The following TRPM3 variants were observed in gnomAD, a reference collection of about 807,000 sequenced individuals.
TRPM3 encodes long transient receptor potential channel 3.
A neutral mutation model predicts 181.2 loss-of-function variants in TRPM3; 77 were observed. The observed-to-expected ratio is 0.42, with a 90% CI of 0.35 to 0.51. The LOEUF (loss-of-function observed/expected upper bound fraction) is 0.51, where lower values mean the gene tolerates loss of function less well. Ranked by LOEUF, TRPM3 falls within the 20% of genes least tolerant of loss-of-function variation. The pLI, the probability that TRPM3 is intolerant of heterozygous loss-of-function variation, is 0.01. For missense variants in TRPM3, 1,759 were observed against 2,196.7 expected, an observed-to-expected ratio of 0.80 and a Z score of 3.98; for synonymous variants, 745 against 796.4, an observed-to-expected ratio of 0.94 and a Z score of 1.09.
chr9:71,142,060 A>C (rs569342262), intron 1 of TRPM3, among the ~76,000 whole-genome samples: 4 of 152,318 alleles, frequency 2.6e-5, no homozygotes, highest in South Asian at 2.1e-4. Flanking sequence ...TTTCTATCTT[A>C]ATCTTTGCCT....
At chr9:71,292,468 T>C (rs1038525126) in intron 1 of TRPM3, among the ~76,000 whole-genome samples, 1 of 151,792 alleles carries the variant, frequency 6.6e-6, no homozygotes, top group Admixed American at 6.6e-5. Flanking sequence ...ATATCAGAAA[T>C]GAAAAGTAAT....
chr9:71,442,331 T>C (rs1196045165), intron 1 of TRPM3, among the ~76,000 whole-genome samples: 1 of 152,174 alleles, frequency 6.6e-6, no homozygotes. Flanking sequence ...GCACAGTTTC[T>C]TTTTTTCCTT....
At chr9:70,587,165 C>T (rs2057290327) in intron 22 of TRPM3, among the ~76,000 whole-genome samples, 1 of 152,078 alleles carries the variant, frequency 6.6e-6, no homozygotes, top group Non-Finnish European at 1.5e-5. Flanking sequence ...GATTGGATAG[C>T]TAATTTGGAG....
intron 1 of TRPM3, among the ~76,000 whole-genome samples, chr9:70,942,571 C>T (rs1351490570): frequency 1.3e-5 from 2 of 152,198 alleles, no homozygotes; most frequent in African/African-American, 2.4e-5. Context: ...GTGGTCATAC[C>T]GTTTTTTCCA....
rs75533623 is a variant in TRPM3, at chr9:71,293,374, C to T, written c.183+153279G>A. On this transcript the variant is annotated intron_variant, in intron 1 of 24. Coordinates refer to the TRPM3 transcript ENST00000357533. ...ATCCATTATTCACGGACATTTTATGCATAGAAAACTTAAGCATTTCCAAAT... is the reference window on the plus strand; with the variant it reads ...ATCCATTATTCACGGACATTTTATGTATAGAAAACTTAAGCATTTCCAAAT... 7.2e-4 allele frequency among the ~76,000 whole-genome samples: 109 copies of T among 151,876 alleles called. 3 individuals carry two copies. In the East Asian group the frequency reaches 0.018, roughly 26 times the overall value.
chr9:70,904,408 T>C (rs2096433200), intron 1 of TRPM3, among the ~76,000 whole-genome samples: 1 of 152,172 alleles, frequency 6.6e-6, no homozygotes, highest in South Asian at 2.1e-4. Context: ...GCTTCCACTT[T>C]CTCTAATTCA....
intron 5 of TRPM3, among the ~76,000 whole-genome samples, chr9:70,832,972 T>C (rs1270652926): frequency 6.6e-6 from 1 of 152,216 alleles, no homozygotes; most frequent in Non-Finnish European, 1.5e-5. Context: ...TCATGCATCT[T>C]GGTAATATCT....
At chr9:70,684,186 C>T (rs534788640) in intron 8 of TRPM3, among the ~76,000 whole-genome samples, 2 of 152,266 alleles carry the variant, frequency 1.3e-5, no homozygotes, top group East Asian at 3.9e-4. Context: ...ATCAGGTTTT[C>T]CTAGCAACAC....
chr9:70,792,240 A>C (rs2085622173), intron 6 of TRPM3, among the ~76,000 whole-genome samples: 1 of 152,148 alleles, frequency 6.6e-6, no homozygotes, highest in South Asian at 2.1e-4. Context: ...CCTGAGCCCA[A>C]GGCCAGTAAC....
chr9:71,053,946 A>C (rs1233267479), intron 1 of TRPM3, among the ~76,000 whole-genome samples: 4 of 152,152 alleles, frequency 2.6e-5, no homozygotes, highest in Middle Eastern at 3.2e-3. Flanking sequence ...GGTAACTTGT[A>C]GGAGAATCAC....
At chr9:70,820,373 G>A (rs1371442568) in intron 6 of TRPM3, among the ~76,000 whole-genome samples, 1 of 152,042 alleles carries the variant, frequency 6.6e-6, no homozygotes, top group African/African-American at 2.4e-5. Flanking sequence ...TTTGTTATAG[G>A]ACTTTTTTTG....
chr9:70,759,189 C>T (rs959916779), intron 8 of TRPM3, among the ~76,000 whole-genome samples: 10 of 152,092 alleles, frequency 6.6e-5, no homozygotes, highest in African/African-American at 2.2e-4. Flanking sequence ...ACAGACAATC[C>T]TCAAAAGAAG....
chr9:70,545,548 C>CTTTTCTT lies in TRPM3; in HGVS notation c.3707+3993_3707+3994insAAGAAAA, dbSNP rs1554733806. The stretch of plus-strand genomic sequence containing the variant: ...AGAGAAAAGAATTTTAATTTTCTTT[C>CTTTTCTT]TTTTTTTTTTTTTTTTGAAGTGGAG... On this transcript the variant is annotated intron_variant, in intron 25 of 25. Transcript: ENST00000677713. Among the ~76,000 whole-genome samples the CTTTTCTT allele has an allele frequency of 2.6e-5, 3 of 113,352 alleles. No homozygotes were observed. The East Asian group carries it at 7.8e-4, about 29-fold the overall frequency. The allele number at this position is 113,352 out of a possible 152,430, so 74.4% of individuals were successfully genotyped here.
rs373142080 is a variant in TRPM3 at position 70,884,758 on chromosome 9, C to T, written c.178-20247G>A. Among the ~76,000 whole-genome samples the T allele has an allele frequency of 7.2e-5, 11 of 152,130 alleles. No individual in the cohort carries two copies. In the East Asian group the frequency reaches 1.2e-3, roughly 16 times the overall value. The stretch of plus-strand genomic sequence containing the variant: ...TGATTAAATATAAATTATGACAATC[C>T]TGGAGATAATTATAAGCATACCAAT... On this transcript the variant is annotated intron_variant, in intron 1 of 25. Transcript: ENST00000677713.
intron 22 of TRPM3, among the ~76,000 whole-genome samples, chr9:70,589,002 C>T (rs1410477176): frequency 6.6e-6 from 1 of 152,082 alleles, no homozygotes; most frequent in Non-Finnish European, 1.5e-5. Flanking sequence ...TTCAGAACAT[C>T]GAAAAGGAAG....
At chr9:70,899,341 A>G (rs1313587720) in intron 1 of TRPM3, among the ~76,000 whole-genome samples, 1 of 152,138 alleles carries the variant, frequency 6.6e-6, no homozygotes, top group East Asian at 1.9e-4. Context: ...GGAAAACCTG[A>G]TCATATCGTT....
intron 8 of TRPM3, among the ~76,000 whole-genome samples, chr9:70,746,566 C>T (rs1193769224): frequency 6.6e-6 from 1 of 152,130 alleles, no homozygotes; most frequent in Non-Finnish European, 1.5e-5. Context: ...GCCTGAGGGC[C>T]TGCAGAGAAT....
intron 1 of TRPM3, among the ~76,000 whole-genome samples, chr9:71,216,811 T>C (rs545064436): frequency 2.0e-5 from 3 of 152,158 alleles, no homozygotes; most frequent in East Asian, 3.9e-4. Flanking sequence ...ACAACCATAA[T>C]AGAATCATCC....
chr9:71,186,369 C>G (rs1344169182), intron 1 of TRPM3, among the ~76,000 whole-genome samples: 2 of 152,044 alleles, frequency 1.3e-5, no homozygotes, highest in Admixed American at 1.3e-4. Context: ...TATCTGCCAA[C>G]TATAAAATTT....
Sources: allele counts gnomAD v4.1 joint callset (sites outside exome capture counted in the v4.1 genomes callset), GRCh38; gene constraint gnomAD v4.1.1; transcripts MANE v1.5; gene names NCBI Gene and HGNC (gene_info 2026-07-23, HGNC 2026-07-21).